The following GRHL2 variants were observed in gnomAD, a reference collection of about 807,000 sequenced individuals.
GRHL2 encodes the protein grainyhead like transcription factor 2, also known as grainyhead-like protein 2 homolog.
Under a neutral mutation model 83.8 loss-of-function variants are expected in GRHL2, and 21 were observed. That is an observed-to-expected ratio of 0.25 (90% confidence interval 0.18 to 0.36). The LOEUF is 0.36. GRHL2 is among the 10% of genes least tolerant of loss of function. The probability of loss-of-function intolerance (pLI) is 1.00; values close to 1 mark genes in which losing one functional copy is unlikely to be tolerated. For missense variants in GRHL2, 623 were observed against 781.8 expected (o/e 0.80, Z 2.42); for synonymous variants, 280 against 278.9 (o/e 1.00, Z -0.04).
intron 14 of GRHL2, among the ~76,000 whole-genome samples, chr8:101,661,690 G>A (rs188478990): frequency 9.2e-5 from 14 of 152,256 alleles, no homozygotes; most frequent in Admixed American, 3.9e-4. Flanking sequence ...ACTGAGGGCC[G>A]ACTGTATTTT....
chr8:101,545,083 T>C (rs967805862), intron 2 of GRHL2, among the ~76,000 whole-genome samples: 1 of 152,172 alleles, frequency 6.6e-6, no homozygotes, highest in Non-Finnish European at 1.5e-5. Context: ...GAGCAAGGTA[T>C]GAGTGGCAGG....
rs10104930 is a variant in GRHL2 at position 101,669,592 on chromosome 8, A to T, written c.*2889A>T. 14,477 of 81,862 alleles carry T rather than the reference A, an allele frequency of 0.18. 756 individuals are homozygous for T. Among genetic ancestry groups the T allele is most frequent in the Middle Eastern group, 0.27 (41 of 154 alleles). The allele number at this position is 81,862 out of a possible 1,614,324, so 5.1% of individuals were successfully genotyped here. A position where few individuals can be genotyped will look rare whatever the true frequency, so the allele number is the denominator to read the frequency against. On this transcript the variant is annotated 3_prime_UTR_variant, in exon 16 of 16. Coordinates refer to ENST00000646743, the MANE Select transcript of GRHL2 (RefSeq NM_024915.4). Reference sequence around the variant, plus strand: ...TATGTACAATTTGCTCTCATGTTTTAAAAAAAAAAAGGTAAATGTAACTTA... The same window carrying T: ...TATGTACAATTTGCTCTCATGTTTTTAAAAAAAAAAGGTAAATGTAACTTA...
chr8:101,521,772 C>T (rs930456674), intron 1 of GRHL2, among the ~76,000 whole-genome samples: 7 of 151,698 alleles, frequency 4.6e-5, no homozygotes, highest in Non-Finnish European at 8.8e-5. Context: ...GGATTAGGGC[C>T]GATTATAAAA....
intron 7 of GRHL2, among the ~76,000 whole-genome samples, chr8:101,585,928 A>G (rs1259524707): frequency 6.6e-6 from 1 of 151,884 alleles, no homozygotes; most frequent in Non-Finnish European, 1.5e-5. Context: ...TGTGTGTGTG[A>G]TGGGGGTGGT....
intron 1 of GRHL2, among the ~76,000 whole-genome samples, chr8:101,541,178 G>A (rs960184325): frequency 7.0e-6 from 1 of 143,132 alleles, no homozygotes; most frequent in African/African-American, 2.8e-5. Flanking sequence ...GTGTGTGTGT[G>A]TGTGTGTGTG....
downstream of GRHL2, among the ~76,000 whole-genome samples, chr8:101,674,188 G>A (rs142521272): frequency 7.1e-3 from 1,072 of 152,032 alleles, 11 homozygotes; most frequent in Non-Finnish European, 0.012. Context: ...GCTAGCAGAA[G>A]GCAAGAAATA....
chr8:101,556,239 G>A (rs778180840), intron 3 of GRHL2, among the ~76,000 whole-genome samples: 3 of 152,108 alleles, frequency 2.0e-5, no homozygotes, highest in Non-Finnish European at 4.4e-5. Context: ...TTACAGGTGT[G>A]AGCCACCAAG....
chr8:101,603,959 A>G (rs1181151565), intron 8 of GRHL2, among the ~76,000 whole-genome samples: 1 of 139,468 alleles, frequency 7.2e-6, no homozygotes, highest in Non-Finnish European at 1.5e-5. Context: ...TCTAGGCCAG[A>G]TTCTAGCCCT....
chr8:101,536,094 G>A (rs189234727), intron 1 of GRHL2, among the ~76,000 whole-genome samples: 1 of 152,310 alleles, frequency 6.6e-6, no homozygotes, highest in African/African-American at 2.4e-5. Flanking sequence ...AGGTATAGAA[G>A]TAAGAATGGG....
chr8:101,556,491 T>C (rs1019390090), intron 3 of GRHL2, among the ~76,000 whole-genome samples: 1 of 152,240 alleles, frequency 6.6e-6, no homozygotes, highest in Non-Finnish European at 1.5e-5. Context: ...CTGTCAACAA[T>C]AATTTTCCAT....
At chr8:101,504,583 A>G (rs1249812007) in intron 1 of GRHL2, among the ~76,000 whole-genome samples, 1 of 152,058 alleles carries the variant, frequency 6.6e-6, no homozygotes, top group Non-Finnish European at 1.5e-5. Flanking sequence ...AGGGACAGGG[A>G]GAGCCTGGAA....
At chr8:101,553,506 G>A (rs1334241513) in intron 3 of GRHL2, among the ~76,000 whole-genome samples, 1 of 152,142 alleles carries the variant, frequency 6.6e-6, no homozygotes, top group African/African-American at 2.4e-5. Flanking sequence ...TTATGGCACA[G>A]CAGGGGTGAC....
In GRHL2 at chr8:101,566,739, A is replaced by G. The variant is rs57303553; in HGVS notation, c.679-3600A>G. On this transcript the variant is annotated intron_variant, in intron 4 of 15. Transcript: ENST00000646743. ...TCTGGAAACATTGCACTCTGTTAGG[A>G]ACATTAAGGTTGACTGCCAGTGATG... Among the ~76,000 whole-genome samples the G allele has an allele frequency of 8.5e-3, 1,291 of 151,914 alleles. 17 individuals are homozygous for G. The highest frequency in any genetic ancestry group is 0.029 in the African/African-American group (1,182 of 41,456).
At chr8:101,494,031 T>C (rs1271703147) in intron 1 of GRHL2, among the ~76,000 whole-genome samples, 1 of 152,128 alleles carries the variant, frequency 6.6e-6, no homozygotes, top group East Asian at 1.9e-4. Context: ...GCCTGGGAAC[T>C]GGCTGCGTCC....
At chr8:101,543,001 C>T (rs1460935522) in intron 1 of GRHL2, among the ~76,000 whole-genome samples, 3 of 152,176 alleles carry the variant, frequency 2.0e-5, no homozygotes, top group Non-Finnish European at 2.9e-5. Flanking sequence ...AGGTGATGAA[C>T]ATTCAAACCA....
chr8:101,635,950 A>G (rs1054777279), intron 11 of GRHL2, among the ~76,000 whole-genome samples: 1 of 152,184 alleles, frequency 6.6e-6, no homozygotes, highest in African/African-American at 2.4e-5. Context: ...ATCTAGACAC[A>G]GCTGTTTCTC....
intron 1 of GRHL2, among the ~76,000 whole-genome samples, chr8:101,509,106 TCTCCTTCC>T (rs1179704537): frequency 8.6e-6 from 1 of 116,944 alleles, no homozygotes; most frequent in South Asian, 2.8e-4. Context: ...TCTTTCTTTC[TCTCCTTCC>T]TTCCTTCCTT....
intron 1 of GRHL2, among the ~76,000 whole-genome samples, chr8:101,534,315 G>A (rs1810997114): frequency 6.6e-6 from 1 of 152,038 alleles, no homozygotes; most frequent in South Asian, 2.1e-4. Flanking sequence ...AGTCTACTAG[G>A]CTCACTCACC....
the GRHL2 span, among the ~76,000 whole-genome samples, chr8:101,678,363 C>T: frequency 4.6e-5 from 7 of 152,048 alleles, no homozygotes; most frequent in South Asian, 2.1e-4. Context: ...CCGAATACTG[C>T]GCTTTTCCGA....
Sources: allele counts gnomAD v4.1 joint callset (sites outside exome capture counted in the v4.1 genomes callset), GRCh38; gene constraint gnomAD v4.1.1; transcripts MANE v1.5; gene names NCBI Gene and HGNC (gene_info 2026-07-23, HGNC 2026-07-21).